The following EIF4G3 variants were observed in gnomAD, a reference collection of about 807,000 sequenced individuals.
The protein encoded by EIF4G3 is eukaryotic translation initiation factor 4 gamma 3.
In EIF4G3, 34 loss-of-function variants were observed where a neutral mutation model predicts 186.4. The ratio of observed to expected loss-of-function variants is 0.18; its 90% CI spans 0.14 to 0.24. The LOEUF is 0.24. Among genes scored for constraint, EIF4G3 ranks in the 10% least tolerant of loss-of-function variants. EIF4G3 has a pLI of 1.00. For synonymous variants in EIF4G3, 673 were observed against 679.5 expected (o/e 0.99, Z 0.15); for missense variants, 1,536 against 1,948.5 (o/e 0.79, Z 3.99).
chr1:20,962,896 T>C (rs2073691553), intron 12 of EIF4G3, among the ~76,000 whole-genome samples: 1 of 148,364 alleles, frequency 6.7e-6, no homozygotes, highest in Non-Finnish European at 1.5e-5. Flanking sequence ...TAATATTGCC[T>C]CTTGTAGTTT....
intron 31 of EIF4G3, among the ~76,000 whole-genome samples, chr1:20,828,763 G>A (rs1343124649): frequency 6.6e-6 from 1 of 152,132 alleles, no homozygotes; most frequent in Non-Finnish European, 1.5e-5. Flanking sequence ...ATAATCATGA[G>A]CATGTACTAT....
At chr1:21,145,147 G>T (rs1167491757) in intron 2 of EIF4G3, among the ~76,000 whole-genome samples, 1 of 152,022 alleles carries the variant, frequency 6.6e-6, no homozygotes, top group South Asian at 2.1e-4. Flanking sequence ...AACCATATCT[G>T]TATCAGTGTA....
At chr1:20,843,078 A>G (rs2069295076) in intron 29 of EIF4G3, among the ~76,000 whole-genome samples, 1 of 151,826 alleles carries the variant, frequency 6.6e-6, no homozygotes, top group Non-Finnish European at 1.5e-5. Flanking sequence ...GGCTCAAGTG[A>G]TCCTCTAGCC....
intron 4 of EIF4G3, among the ~76,000 whole-genome samples, chr1:21,040,775 C>T (rs890769414): frequency 6.6e-6 from 1 of 152,100 alleles, no homozygotes; most frequent in Non-Finnish European, 1.5e-5. Context: ...TGGATGAACC[C>T]TAACTCAGCT....
At chr1:21,026,202 GT>G (rs2092060585) in intron 4 of EIF4G3, among the ~76,000 whole-genome samples, 1 of 151,986 alleles carries the variant, frequency 6.6e-6, no homozygotes. Flanking sequence ...TAAACCAAAA[GT>G]AATTAGAAAT....
intron 3 of EIF4G3, among the ~76,000 whole-genome samples, chr1:21,072,536 TG>T (rs2095474630): frequency 6.6e-6 from 1 of 152,120 alleles, no homozygotes; most frequent in South Asian, 2.1e-4. Context: ...CCTGAGCAGC[TG>T]GGACTACAGG....
At chr1:21,165,009 TATAG>T (rs1255513224) in intron 2 of EIF4G3, among the ~76,000 whole-genome samples, 2 of 152,112 alleles carry the variant, frequency 1.3e-5, no homozygotes, top group Non-Finnish European at 2.9e-5. Flanking sequence ...AAAGGATATA[TATAG>T]ATAATTCTCC....
chr1:20,870,160 A>G (rs2078796722), intron 20 of EIF4G3, among the ~76,000 whole-genome samples: 1 of 151,884 alleles, frequency 6.6e-6, no homozygotes, highest in Non-Finnish European at 1.5e-5. Flanking sequence ...CTGTTGCCCA[A>G]GGCTGACTTG....
At chr1:21,104,006 T>C (rs1431160624) in intron 2 of EIF4G3, among the ~76,000 whole-genome samples, 4 of 152,170 alleles carry the variant, frequency 2.6e-5, no homozygotes, top group African/African-American at 7.2e-5. Flanking sequence ...TGTGTAATCA[T>C]AGTTAACCTC....
chr1:20,927,339 C>G (rs1369439395), intron 14 of EIF4G3, among the ~76,000 whole-genome samples: 1 of 152,118 alleles, frequency 6.6e-6, no homozygotes, highest in Admixed American at 6.5e-5. Context: ...TTAAGCAAAG[C>G]TAGGATGAAA....
intron 14 of EIF4G3, among the ~76,000 whole-genome samples, chr1:20,924,010 A>G (rs1438897837): frequency 6.6e-6 from 1 of 152,196 alleles, no homozygotes; most frequent in East Asian, 1.9e-4. Context: ...TGTACCAAAC[A>G]TAGTGAAGCA....
chr1:21,064,082 T>C (rs1220282953), intron 3 of EIF4G3, among the ~76,000 whole-genome samples: 1 of 152,130 alleles, frequency 6.6e-6, no homozygotes, highest in African/African-American at 2.4e-5. Flanking sequence ...ATTAATTTTA[T>C]AGTGAGCAAA....
chr1:20,846,179 G>A, intron 29 of EIF4G3, among the ~76,000 whole-genome samples: 1 of 152,122 alleles, frequency 6.6e-6, no homozygotes, highest in East Asian at 1.9e-4. Flanking sequence ...AGCTTAATAA[G>A]CTTTTGGGCT....
chr1:20,941,369 AG>A, intron 14 of EIF4G3, 121 bp downstream of exon 14: 1 of 1,603,676 alleles, frequency 6.2e-7, no homozygotes, highest in East Asian at 2.3e-5. Flanking sequence ...AAACCAGACT[AG>A]GAATTTCAGC....
chr1:20,981,293 G>A (rs1160514079), intron 8 of EIF4G3, 66 bp from the exon 9 acceptor site: 13 of 1,048,514 alleles, frequency 1.2e-5, no homozygotes, highest in Non-Finnish European at 1.7e-5. Context: ...AAATTTTACT[G>A]TCTCCTTTTC....
intron 2 of EIF4G3, chr1:21,175,020 G>A (rs2098073902): frequency 6.6e-6 from 1 of 152,110 alleles, no homozygotes; most frequent in African/African-American, 2.4e-5. Context: ...AAATAATCTG[G>A]GGACCTCACA....
At chr1:20,941,072 AAG>A (rs2154562289) in intron 14 of EIF4G3, among the ~76,000 whole-genome samples, 1 of 152,328 alleles carries the variant, frequency 6.6e-6, no homozygotes, top group African/African-American at 2.4e-5. Context: ...TCATGCATAG[AAG>A]AGTTCCTTTA....
intron 3 of EIF4G3, among the ~76,000 whole-genome samples, chr1:21,085,548 G>A (rs894642982): frequency 1.3e-5 from 2 of 151,558 alleles, no homozygotes; most frequent in African/African-American, 2.4e-5. Context: ...TTACAGGCTC[G>A]CACCACCATG....
intron 3 of EIF4G3, among the ~76,000 whole-genome samples, chr1:21,063,019 A>C (rs1481613704): frequency 6.6e-6 from 1 of 152,186 alleles, no homozygotes; most frequent in Admixed American, 6.6e-5. Context: ...GTCATCATAA[A>C]TGAATTATGT....
Sources: gnomAD v4.1 joint callset for allele counts (sites outside exome capture counted in the v4.1 genomes callset) on GRCh38, gnomAD v4.1.1 for gene constraint, MANE v1.5 for transcripts, NCBI Gene and HGNC (gene_info 2026-07-23, HGNC 2026-07-21) for gene names.